Variants in AP3D1 observed in about 807,000 individuals in gnomAD.
AP3D1 encodes adaptor related protein complex 3 subunit delta 1.
In AP3D1, 51 loss-of-function variants were observed where a neutral mutation model predicts 147.6. The ratio of observed to expected loss-of-function variants is 0.35; its 90% confidence interval spans 0.28 to 0.44. The LOEUF (loss-of-function observed/expected upper bound fraction) is 0.44. Among genes scored for constraint, AP3D1 ranks in the 20% least tolerant of loss-of-function variants. The pLI is 1.00. For synonymous variants in AP3D1, 760 were observed against 663.0 expected, an observed-to-expected ratio of 1.15 and a Z score of -2.25; for missense variants, 1,421 against 1,624.2, an observed-to-expected ratio of 0.87 and a Z score of 2.15.
chr19:2,128,428 T>C (rs935738383), intron 8 of AP3D1, among the ~76,000 whole-genome samples: 3 of 150,748 alleles, frequency 2.0e-5, no homozygotes, highest in Admixed American at 1.3e-4. Context: ...GGGGCCGGGC[T>C]TGCAGCCACT....
chr19:2,123,268 C>T, intron 11 of AP3D1, 90 bp downstream of exon 11: 4 of 1,315,604 alleles, frequency 3.0e-6, no homozygotes, highest in Non-Finnish European at 3.2e-6. Flanking sequence ...TTGCAGATGC[C>T]GTGTCCACTT....
At chr19:2,137,646 A>G in intron 3 of AP3D1, 81 bp downstream of exon 3, 1 of 1,155,550 alleles carries the variant, frequency 8.7e-7, no homozygotes, top group Non-Finnish European at 1.3e-6. Flanking sequence ...AAGAATAATA[A>G]TAATAAAAAT....
chr19:2,128,440 CAGCACTGCACCCCGT>C (rs2018823598), intron 8 of AP3D1, among the ~76,000 whole-genome samples: 1 of 151,554 alleles, frequency 6.6e-6, no homozygotes, highest in Admixed American at 6.6e-5. Flanking sequence ...GCAGCCACTC[CAGCACTGCACCCCGT>C]GGAGCCGGCC....
upstream of AP3D1, among the ~76,000 whole-genome samples, chr19:2,155,048 C>T (rs1022898582): frequency 6.6e-6 from 1 of 151,984 alleles, no homozygotes; most frequent in African/African-American, 2.4e-5. Context: ...GGCGTGGTGG[C>T]GAGCACCTGT....
intron 27 of AP3D1, 70 bp from the exon 28 acceptor site, chr19:2,110,294 T>A: frequency 7.5e-7 from 1 of 1,340,190 alleles, no homozygotes; most frequent in African/African-American, 1.4e-5. Flanking sequence ...CCTCCAGGTC[T>A]GTCCTCAGTC....
At chr19:2,122,025 C>G (rs2018626209) in intron 11 of AP3D1, 146 bp from the exon 12 acceptor site, 1 of 933,568 alleles carries the variant, frequency 1.1e-6, no homozygotes, top group Admixed American at 3.1e-5. Context: ...AGTATCCCAG[C>G]TGGAGCTCAC....
upstream of AP3D1, among the ~76,000 whole-genome samples, chr19:2,156,499 T>C (rs1031431357): frequency 1.7e-4 from 25 of 151,226 alleles, no homozygotes; most frequent in Non-Finnish European, 3.5e-4. Flanking sequence ...ACTCACCCAC[T>C]AACCCATCCA....
At chr19:2,111,056 G>T in intron 26 of AP3D1, 160 bp from the exon 27 acceptor site, 1 of 936,618 alleles carries the variant, frequency 1.1e-6, no homozygotes, top group Non-Finnish European at 1.6e-6. Flanking sequence ...GCCTCCTATG[G>T]CTGCTCTTTG....
intron 26 of AP3D1, 131 bp downstream of exon 26, chr19:2,111,153 GC>G: frequency 8.3e-7 from 1 of 1,209,112 alleles, no homozygotes. Flanking sequence ...CCCAAGCAAC[GC>G]CCCTGCCAGG....
chr19:2,141,166 A>G (rs189743942), intron 1 of AP3D1, among the ~76,000 whole-genome samples: 3 of 152,310 alleles, frequency 2.0e-5, no homozygotes, highest in Admixed American at 6.5e-5. Flanking sequence ...ATGTGGCTAT[A>G]CATCATTGAC....
At chr19:2,128,335 C>T (rs952932645) in intron 8 of AP3D1, among the ~76,000 whole-genome samples, 13 of 152,128 alleles carry the variant, frequency 8.5e-5, no homozygotes, top group African/African-American at 2.7e-4. Flanking sequence ...GTCTAGTGGC[C>T]GGGAATGCCA....
At chr19:2,106,200 G>A (rs2018107060) in intron 31 of AP3D1, among the ~76,000 whole-genome samples, 1 of 152,160 alleles carries the variant, frequency 6.6e-6, no homozygotes, top group African/African-American at 2.4e-5. Flanking sequence ...AAGACAGTCT[G>A]GCAGCTCCTC....
chr19:2,112,278 A>T (rs1297689179), intron 24 of AP3D1: 2 of 188,426 alleles, frequency 1.1e-5, no homozygotes, highest in Non-Finnish European at 2.2e-5. Context: ...CCATCCGCGG[A>T]GGAACGGGGT....
chr19:2,112,056 G>C (rs1327062973), intron 24 of AP3D1: 2 of 629,242 alleles, frequency 3.2e-6, no homozygotes, highest in Admixed American at 6.0e-5. Context: ...AAGCAGCCCG[G>C]GGAACAGTCC....
upstream of AP3D1, among the ~76,000 whole-genome samples, chr19:2,153,479 C>T (rs2019617449): frequency 6.6e-6 from 1 of 152,054 alleles, no homozygotes; most frequent in Admixed American, 6.6e-5. Context: ...AGTTTGAGAC[C>T]AGCGTGGCCA....
At chr19:2,103,896 G>A (rs572923524) in intron 31 of AP3D1, among the ~76,000 whole-genome samples, 3 of 151,198 alleles carry the variant, frequency 2.0e-5, no homozygotes, top group Non-Finnish European at 2.9e-5. Flanking sequence ...CAAGGCCGTC[G>A]GTAGACCCCA....
chr19:2,108,227 C>G (rs530454739), intron 31 of AP3D1, among the ~76,000 whole-genome samples: 2 of 152,330 alleles, frequency 1.3e-5, no homozygotes, highest in East Asian at 3.9e-4. Flanking sequence ...TATACAGACA[C>G]AAAAGCCCTC....
chr19:2,127,698 T>C (rs151126083), intron 8 of AP3D1, among the ~76,000 whole-genome samples: 218 of 152,324 alleles, frequency 1.4e-3, no homozygotes, highest in African/African-American at 5.1e-3. Flanking sequence ...CTAATTTTTG[T>C]ATTTTTTAGG....
chr19:2,135,533 CTCAAAACAAA>C lies in AP3D1; in HGVS notation c.354+1468_354+1477del, dbSNP rs531203113. ...CCTGGGCAATAGAGTGAGACTCAGT[CTCAAAACAAA>C]ACAAAACAAAACAAACAAATGACAC... is the stretch of plus-strand genomic sequence containing the variant. On this transcript the variant is annotated intron_variant, in intron 4 of 31. Transcript: ENST00000643116. 2.1e-3 allele frequency among the ~76,000 whole-genome samples: 320 copies of C among 152,322 alleles called. 2 individuals are homozygous for C. Among genetic ancestry groups the C allele is most frequent in the African/African-American group, 7.4e-3 (306 of 41,564 alleles).
Sources: gnomAD v4.1 joint callset for allele counts (sites outside exome capture counted in the v4.1 genomes callset) on GRCh38, gnomAD v4.1.1 for gene constraint, MANE v1.5 for transcripts, NCBI Gene and HGNC (gene_info 2026-07-23, HGNC 2026-07-21) for gene names.